Variants in LARP1 observed in about 807,000 individuals in gnomAD.
The protein encoded by LARP1 is La ribonucleoprotein 1, translational regulator.
A neutral mutation model predicts 122.7 loss-of-function variants in LARP1; 36 were observed. The observed-to-expected ratio is 0.29, with a 90% CI of 0.22 to 0.39. The LOEUF (loss-of-function observed/expected upper bound fraction) is 0.39. Ranked by LOEUF, LARP1 falls within the 10% of genes least tolerant of loss-of-function variation. The pLI is 1.00. For missense variants in LARP1, 1,040 were observed against 1,403.6 expected (o/e 0.74, Z 4.14); for synonymous variants, 539 against 528.7 (o/e 1.02, Z -0.27).
At chr5:154,710,424 C>T (rs186267619), upstream of LARP1, among the ~76,000 whole-genome samples, 1 of 151,918 alleles carries the variant, frequency 6.6e-6, no homozygotes, top group East Asian at 1.9e-4. Flanking sequence ...CCAGCTTGGT[C>T]AATATAGTGA....
chr5:154,790,818 CT>C (rs1248702779), intron 3 of LARP1, 108 bp downstream of exon 3: 10 of 1,043,694 alleles, frequency 9.6e-6, no homozygotes, highest in Middle Eastern at 2.0e-4. Context: ...AGTTTTCATT[CT>C]TTCTTTTTTT....
intron 1 of LARP1, among the ~76,000 whole-genome samples, chr5:154,690,167 G>C (rs1001620809): frequency 2.0e-5 from 2 of 99,272 alleles, no homozygotes; most frequent in South Asian, 3.3e-4. Flanking sequence ...GTGCGGGGGA[G>C]GGCACACACA....
At chr5:154,754,225 C>G (rs749763864), upstream of LARP1, among the ~76,000 whole-genome samples, 1 of 152,198 alleles carries the variant, frequency 6.6e-6, no homozygotes, top group African/African-American at 2.4e-5. Flanking sequence ...CTTTCCCCAC[C>G]TTAGAATAAA....
chr5:154,786,336 C>T (rs531546924), intron 1 of LARP1: 19 of 382,806 alleles, frequency 5.0e-5, no homozygotes, highest in Admixed American at 8.7e-5. Context: ...CCACTGCACC[C>T]GGCTGGTATG....
At chr5:154,763,723 C>T (rs549671977) in intron 1 of LARP1, among the ~76,000 whole-genome samples, 5 of 151,702 alleles carry the variant, frequency 3.3e-5, no homozygotes, top group South Asian at 2.1e-4. Flanking sequence ...GTGTCCTGGC[C>T]GGGCACAGTG....
chr5:154,729,709 A>T, intron 1 of LARP1: 1 of 303,496 alleles, frequency 3.3e-6, no homozygotes, highest in South Asian at 3.3e-5. Flanking sequence ...TATTTAAAAA[A>T]TACCTCTAGA....
chr5:154,729,247 G>T (rs771922280), intron 1 of LARP1: 2 of 162,074 alleles, frequency 1.2e-5, no homozygotes, highest in Non-Finnish European at 2.7e-5. Context: ...AACACAAAGG[G>T]AAAGAGAAGC....
At chr5:154,790,415 G>A (rs759458944) in intron 2 of LARP1, 29 bp downstream of exon 2, 7 of 1,601,294 alleles carry the variant, frequency 4.4e-6, no homozygotes, top group Non-Finnish European at 6.0e-6. Context: ...CAACCCAAGG[G>A]GACTTTCTGG....
chr5:154,686,553 C>G (rs1753949420), intron 1 of LARP1, among the ~76,000 whole-genome samples: 1 of 152,204 alleles, frequency 6.6e-6, no homozygotes, highest in African/African-American at 2.4e-5. Flanking sequence ...TTCCAATTCT[C>G]TTGAAAAATC....
chr5:154,810,640 A>T (rs1174237441), intron 16 of LARP1, among the ~76,000 whole-genome samples: 4 of 151,756 alleles, frequency 2.6e-5, no homozygotes, highest in Non-Finnish European at 4.4e-5. Context: ...GGCACCCACC[A>T]CCACACCTGG....
At chr5:154,750,379 C>G (rs1753423941), upstream of LARP1, among the ~76,000 whole-genome samples, 1 of 151,746 alleles carries the variant, frequency 6.6e-6, no homozygotes, top group Non-Finnish European at 1.5e-5. Context: ...AGGTGATCTT[C>G]CCACCTCAAC....
chr5:154,716,206 G>A (rs1384626599), intron 1 of LARP1, among the ~76,000 whole-genome samples: 1 of 152,250 alleles, frequency 6.6e-6, no homozygotes, highest in South Asian at 2.1e-4. Context: ...TGCACCCTCT[G>A]CCTCCCGGGC....
Position 154,794,245 on chromosome 5 carries a change from C to A in LARP1, c.1215C>A (p.Asp405Glu). 1 of 1,614,148 alleles carries A rather than the reference C, an allele frequency of 6.2e-7. No homozygotes were observed. The highest frequency in any genetic ancestry group is 8.5e-7 in the Non-Finnish European group (1 of 1,180,006). The change falls in exon 7 of 19, where the codon GAC becomes GAA. Residue 405 changes from aspartate to glutamate, a missense_variant. By Grantham distance (45) the Asp-to-Glu change is conservative. Coordinates refer to ENST00000518297, the MANE Select transcript of LARP1 (RefSeq NM_033551.3). ...LYSVDQELLK[D>E]YIKRQIEYYF... ...GTGTGGATCAGGAACTGCTCAAAGACTACATCAAGCGCCAGATGTGAGTGT... is the reference window on the plus strand; with the variant it reads ...GTGTGGATCAGGAACTGCTCAAAGAATACATCAAGCGCCAGATGTGAGTGT...
chr5:154,810,728 C>T (rs1759199176), intron 16 of LARP1, among the ~76,000 whole-genome samples: 1 of 152,146 alleles, frequency 6.6e-6, no homozygotes, highest in South Asian at 2.1e-4. Flanking sequence ...CTCAAGTGAT[C>T]TGCGTGCCTT....
Position 154,756,073 on chromosome 5 carries a change from G to T in LARP1, c.316G>T (p.Ala106Ser). 1 of 1,144,102 alleles carries T rather than the reference G, an allele frequency of 8.7e-7. No homozygotes were observed. The allele number at this position is 1,144,102 out of a possible 1,614,324, so 70.9% of individuals were successfully genotyped here. The change falls in exon 1 of 19, where the codon GCC becomes TCC. Residue 106 changes from alanine (A) to serine (S), a missense_variant. Physicochemically the swap from Ala to Ser is moderately conservative, Grantham distance 99. Around this residue, in one of 8 missense-constraint regions of LARP1, gnomAD observed 257 missense variants for 273.3 expected, o/e 0.94. Coordinates refer to ENST00000518297, the MANE Select transcript of LARP1 (RefSeq NM_033551.3). Reference protein sequence around the residue: ...GGEPGAGGGAAGAAGAGRRDF... With the variant: ...GGEPGAGGGASGAAGAGRRDF... Reference sequence around the variant, plus strand: ...CGAGCCAGGCGCTGGCGGAGGAGCTGCCGGAGCCGCGGGCGCGGGGCGCCG... The same window carrying T: ...CGAGCCAGGCGCTGGCGGAGGAGCTTCCGGAGCCGCGGGCGCGGGGCGCCG...
At chr5:154,786,575 T>C in intron 1 of LARP1, 1 of 438,568 alleles carries the variant, frequency 2.3e-6, no homozygotes, top group Non-Finnish European at 4.6e-6. Context: ...CGGAGACCTG[T>C]GGACAGATAA....
intron 10 of LARP1, 145 bp downstream of exon 10, chr5:154,800,187 C>T (rs1019153902): frequency 2.8e-6 from 2 of 724,860 alleles, no homozygotes; most frequent in Non-Finnish European, 4.4e-6. Context: ...GTTGAAGTTA[C>T]CAGTAGTGGC....
intron 1 of LARP1, among the ~76,000 whole-genome samples, chr5:154,695,532 C>T (rs955508359): frequency 6.6e-6 from 1 of 151,980 alleles, no homozygotes; most frequent in Non-Finnish European, 1.5e-5. Flanking sequence ...TGGCGCGCGC[C>T]TGTAAACCCA....
chr5:154,716,966 G>A (rs1755543745), intron 1 of LARP1, among the ~76,000 whole-genome samples: 1 of 151,842 alleles, frequency 6.6e-6, no homozygotes, highest in African/African-American at 2.4e-5. Flanking sequence ...AGCTGAGGCA[G>A]GAGGATTTCC....
Sources: allele counts gnomAD v4.1 joint callset (sites outside exome capture counted in the v4.1 genomes callset), GRCh38; gene constraint gnomAD v4.1.1; regional missense constraint gnomAD v4.1.1; transcripts MANE v1.5; gene names NCBI Gene and HGNC (gene_info 2026-07-23, HGNC 2026-07-21).